Variants in FOCAD observed in about 807,000 individuals in gnomAD.
The protein encoded by FOCAD is focadhesin, also known as KIAA1797.
Under a neutral mutation model 225.6 loss-of-function variants are expected in FOCAD, and 198 were observed. That is an observed-to-expected ratio of 0.88 (90% confidence interval 0.78 to 0.99). The LOEUF (loss-of-function observed/expected upper bound fraction) is 0.99. Among genes scored for constraint, FOCAD ranks in the 50% least tolerant of loss-of-function variants. FOCAD has a pLI of 0.00. For synonymous variants in FOCAD, 897 were observed against 755.0 expected, an observed-to-expected ratio of 1.19 and a Z score of -3.08; for missense variants, 2,713 against 2,123.6, an observed-to-expected ratio of 1.28 and a Z score of -5.46.
intron 29 of FOCAD, 73 bp from the exon 30 acceptor site, chr9:20,946,628 A>T (rs1837208844): frequency 6.6e-7 from 1 of 1,517,290 alleles, no homozygotes; most frequent in Non-Finnish European, 8.9e-7. Flanking sequence ...TTGACAGAAT[A>T]TCTTGTCAAC....
chr9:20,866,590 T>C (rs1235063579), intron 17 of FOCAD, among the ~76,000 whole-genome samples: 1 of 152,098 alleles, frequency 6.6e-6, no homozygotes, highest in Non-Finnish European at 1.5e-5. Flanking sequence ...TTGATCTCCT[T>C]GCCCATTTTT....
rs189026424 is a variant in FOCAD, at chr9:20,954,304, C to G, written c.4132+1239C>G. ...GAGATGGCTTCATTAGGAGAAAATT[C>G]TTACTAAATGAGAATCTAAAATTTT... is the stretch of plus-strand genomic sequence containing the variant. On this transcript the variant is annotated intron_variant, in intron 35 of 43. Transcript: ENST00000338382. 4.3e-4 allele frequency among the ~76,000 whole-genome samples: 65 copies of G among 152,180 alleles called. 1 individual carries two copies. Among genetic ancestry groups the G allele is most frequent in the African/African-American group, 1.3e-3 (55 of 41,520 alleles).
intron 35 of FOCAD, among the ~76,000 whole-genome samples, chr9:20,962,552 A>G (rs530298233): frequency 4.2e-4 from 64 of 152,266 alleles, no homozygotes; most frequent in African/African-American, 1.2e-3. Context: ...AGCGATGGAA[A>G]ATATACAGAC....
chr9:20,881,145 C>T (rs1424012237), intron 19 of FOCAD, among the ~76,000 whole-genome samples: 1 of 152,106 alleles, frequency 6.6e-6, no homozygotes, highest in African/African-American at 2.4e-5. Context: ...AGAGGTTTTT[C>T]TGAAAACACT....
intron 11 of FOCAD, among the ~76,000 whole-genome samples, chr9:20,791,228 C>A (rs1392197792): frequency 2.3e-5 from 2 of 88,248 alleles, no homozygotes; most frequent in African/African-American, 3.8e-5. Flanking sequence ...TGCACACACA[C>A]ACACACACTC....
At chr9:20,693,327 G>A (rs1467882677) in intron 1 of FOCAD, among the ~76,000 whole-genome samples, 1 of 152,146 alleles carries the variant, frequency 6.6e-6, no homozygotes, top group African/African-American at 2.4e-5. Flanking sequence ...GGCTACTCGA[G>A]TACTTCCTCA....
At chr9:20,874,098 G>T (rs746674695) in intron 18 of FOCAD, 1 of 152,006 alleles carries the variant, frequency 6.6e-6, no homozygotes, top group Non-Finnish European at 1.5e-5. Context: ...ATGCAAATTA[G>T]ACACAATAAT....
intron 11 of FOCAD, among the ~76,000 whole-genome samples, chr9:20,801,842 TGGATTTG>T (rs1327355070): frequency 6.6e-6 from 1 of 152,056 alleles, no homozygotes; most frequent in African/African-American, 2.4e-5. Context: ...TATGATTTGG[TGGATTTG>T]GTGGGAAAAG....
intron 8 of FOCAD, among the ~76,000 whole-genome samples, chr9:20,771,624 G>A (rs916207163): frequency 3.3e-5 from 5 of 152,164 alleles, no homozygotes; most frequent in Non-Finnish European, 5.9e-5. Flanking sequence ...GCTGGGTGTG[G>A]TGTTGCATGC....
chr9:20,777,657 C>G (rs905470164), intron 8 of FOCAD, among the ~76,000 whole-genome samples: 1 of 152,042 alleles, frequency 6.6e-6, no homozygotes, highest in African/African-American at 2.4e-5. Flanking sequence ...TTTATTGTGA[C>G]ATGATTTACT....
chr9:20,852,770 C>G (rs549533338), intron 15 of FOCAD, among the ~76,000 whole-genome samples: 1 of 151,870 alleles, frequency 6.6e-6, no homozygotes, highest in African/African-American at 2.4e-5. Context: ...CTACAGTACA[C>G]TTACAGCCTC....
In FOCAD at chr9:20,871,654, TA is replaced by T. The variant is rs1427373484; in HGVS notation, c.2191-3016del. 1.1e-3 allele frequency among the ~76,000 whole-genome samples: 151 copies of T among 134,958 alleles called. 1 individual carries two copies. In the East Asian group the frequency reaches 0.028, roughly 25 times the overall value. The allele number at this position is 134,958 out of a possible 152,430, so 88.5% of individuals were successfully genotyped here. ...AAATAACCTATGGAAATAAAAAATTTAAAAAAAAAAACCAAACACCGCATGT... is the reference window on the plus strand; with the variant it reads ...AAATAACCTATGGAAATAAAAAATTTAAAAAAAAAACCAAACACCGCATGT... On this transcript the variant is annotated intron_variant, in intron 18 of 43. Transcript: ENST00000338382.
chr9:20,956,855 G>A (rs1039517169), intron 35 of FOCAD, among the ~76,000 whole-genome samples: 1 of 152,046 alleles, frequency 6.6e-6, no homozygotes, highest in Non-Finnish European at 1.5e-5. Context: ...ACCACGCCTG[G>A]CTAATTTTTT....
At chr9:20,847,110 G>T (rs751886724) in intron 15 of FOCAD, among the ~76,000 whole-genome samples, 2 of 151,976 alleles carry the variant, frequency 1.3e-5, no homozygotes, top group Non-Finnish European at 2.9e-5. Flanking sequence ...CATTTTAATC[G>T]TGCATTTCAA....
chr9:20,833,305 G>C (rs1029928777), intron 15 of FOCAD, among the ~76,000 whole-genome samples: 1 of 151,888 alleles, frequency 6.6e-6, no homozygotes, highest in African/African-American at 2.4e-5. Context: ...GTCCTGAATG[G>C]TTTAATGTTT....
chr9:20,844,349 CTTTTTTT>C (rs58468376), intron 15 of FOCAD, among the ~76,000 whole-genome samples: 1,072 of 77,220 alleles, frequency 0.014, 6 homozygotes, highest in South Asian at 0.055. Context: ...AGGAAATTTC[CTTTTTTT>C]TTTTTTTTTT....
At chr9:20,827,767 G>A (rs1825058233) in intron 15 of FOCAD, among the ~76,000 whole-genome samples, 1 of 152,066 alleles carries the variant, frequency 6.6e-6, no homozygotes, top group South Asian at 2.1e-4. Context: ...AATAGGAGAT[G>A]TACGTTAAAG....
intron 11 of FOCAD, among the ~76,000 whole-genome samples, chr9:20,804,056 C>T (rs1737381519): frequency 6.6e-6 from 1 of 152,074 alleles, no homozygotes. Context: ...AATGCCGAAC[C>T]ATTTTCTGTA....
intron 21 of FOCAD, among the ~76,000 whole-genome samples, chr9:20,897,581 T>C (rs1021151283): frequency 2.0e-5 from 3 of 151,754 alleles, no homozygotes; most frequent in African/African-American, 7.2e-5. Flanking sequence ...GCAATATATA[T>C]TTACAACTAT....
Sources: allele counts gnomAD v4.1 joint callset (sites outside exome capture counted in the v4.1 genomes callset), GRCh38; gene constraint gnomAD v4.1.1; transcripts MANE v1.5; gene names NCBI Gene and HGNC (gene_info 2026-07-23, HGNC 2026-07-21).